Variants in GREB1 observed in about 807,000 individuals in gnomAD.
GREB1 encodes the protein growth regulating estrogen receptor binding 1, also known as protein GREB1.
A neutral mutation model predicts 200.7 loss-of-function variants in GREB1; 106 were observed. The ratio of observed to expected loss-of-function variants is 0.53; its 90% CI spans 0.45 to 0.62. The LOEUF (loss-of-function observed/expected upper bound fraction) is 0.62. Among genes scored for constraint, GREB1 ranks in the 20% least tolerant of loss-of-function variants. The pLI, the probability that GREB1 is intolerant of heterozygous loss-of-function variation, is 0.00. For synonymous variants in GREB1, 1,132 were observed against 1,092.4 expected (o/e 1.04, Z -0.72); for missense variants, 2,243 against 2,556.8 (o/e 0.88, Z 2.65).
intron 1 of GREB1, among the ~76,000 whole-genome samples, chr2:11,541,736 G>T (rs190451905): frequency 8.1e-4 from 124 of 152,210 alleles, no homozygotes; most frequent in African/African-American, 2.9e-3. Context: ...GGCTTGACGT[G>T]GTTAATTTCA....
chr2:11,632,858 G>C lies in GREB1; in HGVS notation c.4817-31G>C, dbSNP rs760831557. 5 of 1,603,904 alleles carry C rather than the reference G, an allele frequency of 3.1e-6. No individual in the cohort carries two copies. The Middle Eastern group carries it at 5.2e-4, about 167-fold the overall frequency. Reference sequence around the variant, plus strand: ...CTGCTGTGGGTGTGGGTGCAGGTCAGTCCTGAGTCCAGGTGCTTTGCCCAC... The same window carrying C: ...CTGCTGTGGGTGTGGGTGCAGGTCACTCCTGAGTCCAGGTGCTTTGCCCAC... On this transcript the variant is annotated intron_variant, in intron 27 of 32. Transcript: ENST00000381486.
Position 11,585,884 on chromosome 2 carries a change from G to A in GREB1, c.1138G>A (p.Ala380Thr). The change falls in exon 9 of 33, where the codon GCC becomes ACC. Residue 380 changes from alanine to threonine, a missense_variant. This residue lies in a region of GREB1 where 1,178 missense variants were observed against 1,387.4 expected (regional missense o/e 0.85). Coordinates refer to ENST00000381486, the MANE Select transcript of GREB1 (RefSeq NM_014668.4). Reference protein sequence around the residue: ...VPDNLLKICKAKPVIFKGHGN... With the variant: ...VPDNLLKICKTKPVIFKGHGN... ...TGACAACTTGCTGAAAATATGCAAG[G>A]CCAAGCCAGTGATATTTAAAGGCAA... 1 of 1,613,978 alleles carries A rather than the reference G, an allele frequency of 6.2e-7. No homozygotes were observed. The highest frequency in any genetic ancestry group is 8.5e-7 in the Non-Finnish European group (1 of 1,180,028).
At chr2:11,537,259 G>A (rs547994867) in intron 1 of GREB1, among the ~76,000 whole-genome samples, 5 of 152,192 alleles carry the variant, frequency 3.3e-5, no homozygotes, top group South Asian at 2.1e-4. Context: ...CCACCGCGCC[G>A]GCCGACATTT....
At chr2:11,587,942 T>G in intron 9 of GREB1, 3 of 992,364 alleles carry the variant, frequency 3.0e-6, no homozygotes, top group Non-Finnish European at 3.6e-6. Context: ...AATCTTCTGA[T>G]GGGCTGGGCA....
chr2:11,508,978 C>A (rs1258710987), intron 1 of GREB1, among the ~76,000 whole-genome samples: 1 of 151,170 alleles, frequency 6.6e-6, no homozygotes, highest in Non-Finnish European at 1.5e-5. Context: ...GGGTTCACGC[C>A]ATTCTCCTGC....
chr2:11,532,731 T>A (rs1199629403), upstream of GREB1, among the ~76,000 whole-genome samples: 1 of 152,182 alleles, frequency 6.6e-6, no homozygotes, highest in Non-Finnish European at 1.5e-5. Flanking sequence ...CCCAGCGATG[T>A]GTGTGCTTGT....
intron 9 of GREB1, chr2:11,587,710 CACA>C (rs1680278846): frequency 1.7e-6 from 2 of 1,156,552 alleles, no homozygotes; most frequent in African/African-American, 3.4e-5. Context: ...CACACACACA[CACA>C]CACACACACA....
intron 5 of GREB1, 54 bp downstream of exon 5, chr2:11,576,589 C>T (rs562986421): frequency 5.6e-5 from 80 of 1,418,768 alleles, no homozygotes; most frequent in South Asian, 4.6e-4. Context: ...CCAAGTGGGC[C>T]GTGGTGCCTG....
In GREB1 at chr2:11,580,994, G is replaced by A; in HGVS notation, c.901+162G>A. The A allele has an allele frequency of 1.2e-6, 1 of 860,986 alleles. No homozygotes were observed. Among genetic ancestry groups the A allele is most frequent in the Non-Finnish European group, 1.9e-6 (1 of 515,984 alleles). The allele number at this position is 860,986 out of a possible 1,614,324, so 53.3% of individuals were successfully genotyped here. A position where few individuals can be genotyped will look rare whatever the true frequency, so the allele number is the denominator to read the frequency against. The stretch of plus-strand genomic sequence containing the variant: ...ACCACAGGTGCCTCCTGAGTCCGTG[G>A]GTCTGGGCCCAGGCCCTGGTGCTCT... On this transcript the variant is annotated intron_variant, in intron 7 of 32. Coordinates refer to ENST00000381486, the MANE Select transcript of GREB1 (RefSeq NM_014668.4). The surrounding 1 kb of genome is among the most constrained non-coding windows in gnomAD (Gnocchi z 4.5).
At chr2:11,587,663 G>T (rs1172244628) in intron 9 of GREB1, 3 of 1,342,888 alleles carry the variant, frequency 2.2e-6, no homozygotes, top group Non-Finnish European at 1.9e-6. Flanking sequence ...TATATTTTTG[G>T]TGACTAAATG....
intron 1 of GREB1, among the ~76,000 whole-genome samples, chr2:11,551,793 A>G (rs1175324381): frequency 6.6e-6 from 1 of 152,156 alleles, no homozygotes; most frequent in Non-Finnish European, 1.5e-5. Flanking sequence ...GAGCAGGACG[A>G]GCCGTGGCCA....
At chr2:11,570,078 A>G (rs1333735889) in intron 4 of GREB1, among the ~76,000 whole-genome samples, 1 of 151,998 alleles carries the variant, frequency 6.6e-6, no homozygotes, top group Non-Finnish European at 1.5e-5. Flanking sequence ...ACATTGTATC[A>G]CTTCATCTGT....
At chr2:11,560,329 T>C (rs1676879398) in intron 2 of GREB1, among the ~76,000 whole-genome samples, 3 of 152,218 alleles carry the variant, frequency 2.0e-5, no homozygotes, top group Admixed American at 1.3e-4. Flanking sequence ...TCTGGATGGA[T>C]GGACGGTGTT....
rs552440860 is a variant in GREB1, at chr2:11,640,558, C to A, written c.*104C>A. The A allele has an allele frequency of 1.2e-5, 16 of 1,335,846 alleles. No individual in the cohort carries two copies. The highest frequency in any genetic ancestry group is 2.9e-5 in the African/African-American group (2 of 68,660). 82.7% of individuals were successfully genotyped at this position (1,335,846 alleles called of 1,614,324 possible). On this transcript the variant is annotated 3_prime_UTR_variant, in exon 33 of 33. Transcript: ENST00000381486. The surrounding 1 kb of genome is among the most constrained non-coding windows in gnomAD (Gnocchi z 4.6). ...GGTGGGGCGTTTGACTGGAATGGAC[C>A]CCAGGGACTGTCCAGGTGCAGCCCC...
At chr2:11,590,567 TCTC>T in intron 10 of GREB1, among the ~76,000 whole-genome samples, 1 of 152,104 alleles carries the variant, frequency 6.6e-6, no homozygotes. Context: ...TCACTCATCA[TCTC>T]CTCAGCAAGA....
chr2:11,636,750 GGGCAGGGGCAA>G (rs1470244682), intron 30 of GREB1, among the ~76,000 whole-genome samples: 4 of 147,148 alleles, frequency 2.7e-5, no homozygotes, highest in South Asian at 2.2e-4. Flanking sequence ...GCATGGGCAT[GGGCAGGGGCAA>G]GGGCAGGGGC....
chr2:11,590,639 T>G (rs1680636366), intron 10 of GREB1, among the ~76,000 whole-genome samples: 1 of 152,180 alleles, frequency 6.6e-6, no homozygotes, highest in South Asian at 2.1e-4. Flanking sequence ...CCTATGCCCT[T>G]TATCTTTAGG....
At chr2:11,564,364 G>T (rs1444176133) in intron 3 of GREB1, among the ~76,000 whole-genome samples, 1 of 152,084 alleles carries the variant, frequency 6.6e-6, no homozygotes. Context: ...TATTTAAAAG[G>T]CCACTGAATT....
intron 26 of GREB1, 107 bp downstream of exon 26, chr2:11,630,216 G>T: frequency 9.3e-7 from 1 of 1,076,810 alleles, no homozygotes; most frequent in East Asian, 2.5e-5. Context: ...CACCGATACA[G>T]GGACTGAACT....
Sources: allele counts gnomAD v4.1 joint callset (sites outside exome capture counted in the v4.1 genomes callset), GRCh38; gene constraint gnomAD v4.1.1; regional missense constraint gnomAD v4.1.1; non-coding constraint Gnocchi (gnomAD v3.1); transcripts MANE v1.5; gene names NCBI Gene and HGNC (gene_info 2026-07-23, HGNC 2026-07-21).